TAFA1: variants seen among roughly 807,000 people sequenced by gnomAD.
TAFA1 encodes TAFA chemokine like family member 1.
A neutral mutation model predicts 18.5 loss-of-function variants in TAFA1; 4 were observed. That is an observed-to-expected ratio of 0.22 (90% CI 0.11 to 0.49). TAFA1 has a LOEUF of 0.49. TAFA1 is among the 20% of genes least tolerant of loss of function. The pLI is 0.98. For missense variants in TAFA1, 147 were observed against 169.0 expected (o/e 0.87, Z 0.72); for synonymous variants, 56 against 55.2 (o/e 1.01, Z -0.06).
At chr3:68,133,907 A>G (rs1256563279) in intron 2 of TAFA1, among the ~76,000 whole-genome samples, 2 of 152,124 alleles carry the variant, frequency 1.3e-5, no homozygotes, top group African/African-American at 4.8e-5. Flanking sequence ...TAAAGATACA[A>G]TTAATTGGAC....
chr3:68,387,588 G>A (rs1282103239), intron 2 of TAFA1, among the ~76,000 whole-genome samples: 4 of 152,224 alleles, frequency 2.6e-5, no homozygotes, highest in South Asian at 2.1e-4. Context: ...ATTATGATGG[G>A]TGCTGGGGAA....
At chr3:68,069,202 A>T (rs2064721462) in intron 2 of TAFA1, among the ~76,000 whole-genome samples, 1 of 152,160 alleles carries the variant, frequency 6.6e-6, no homozygotes, top group Non-Finnish European at 1.5e-5. Context: ...CATACCCGAG[A>T]CTGGGTAATT....
chr3:68,302,636 C>G (rs2068325724), intron 2 of TAFA1, among the ~76,000 whole-genome samples: 1 of 151,928 alleles, frequency 6.6e-6, no homozygotes, highest in Admixed American at 6.6e-5. Context: ...GTATCCTCAG[C>G]ATCTAAGACA....
At chr3:68,258,489 T>A (rs2067342712) in intron 2 of TAFA1, among the ~76,000 whole-genome samples, 1 of 152,200 alleles carries the variant, frequency 6.6e-6, no homozygotes, top group South Asian at 2.1e-4. Context: ...CTCAAAAGTA[T>A]TTTTTAATAA....
intron 2 of TAFA1, among the ~76,000 whole-genome samples, chr3:68,154,668 C>G (rs1395446805): frequency 2.0e-5 from 3 of 152,178 alleles, no homozygotes; most frequent in Non-Finnish European, 4.4e-5. Flanking sequence ...CTTGCTAATA[C>G]TCTAGGCTTT....
intron 2 of TAFA1, among the ~76,000 whole-genome samples, chr3:68,022,582 A>G (rs1376947450): frequency 6.6e-6 from 1 of 151,998 alleles, no homozygotes; most frequent in African/African-American, 2.4e-5. Context: ...AGAGTAAGGG[A>G]TGGAATTTGA....
chr3:68,221,776 A>C (rs932367280), intron 2 of TAFA1, among the ~76,000 whole-genome samples: 1 of 152,240 alleles, frequency 6.6e-6, no homozygotes, highest in South Asian at 2.1e-4. Flanking sequence ...CTCAATGAAT[A>C]TGATCTATAA....
chr3:68,205,973 C>G (rs1488899197), intron 2 of TAFA1, among the ~76,000 whole-genome samples: 1 of 152,004 alleles, frequency 6.6e-6, no homozygotes, highest in Non-Finnish European at 1.5e-5. Context: ...GTCACCATGA[C>G]ATAGTCACCC....
chr3:68,184,902 A>G (rs1201657198), intron 2 of TAFA1, among the ~76,000 whole-genome samples: 1 of 152,166 alleles, frequency 6.6e-6, no homozygotes, highest in Non-Finnish European at 1.5e-5. Flanking sequence ...GTGTTCTGCA[A>G]AAACACCCGG....
At chr3:68,084,055 C>T (rs929913698) in intron 2 of TAFA1, among the ~76,000 whole-genome samples, 1 of 152,082 alleles carries the variant, frequency 6.6e-6, no homozygotes, top group African/African-American at 2.4e-5. Context: ...GCCAGTATAC[C>T]ACATGGGCTC....
At chr3:68,157,452 C>T (rs1429046586) in intron 2 of TAFA1, among the ~76,000 whole-genome samples, 2 of 152,262 alleles carry the variant, frequency 1.3e-5, no homozygotes, top group East Asian at 3.9e-4. Flanking sequence ...GAGAAAAAGC[C>T]TTGCCTTTCT....
chr3:68,092,243 T>C (rs1050367732), intron 2 of TAFA1, among the ~76,000 whole-genome samples: 19 of 152,204 alleles, frequency 1.2e-4, no homozygotes, highest in African/African-American at 4.3e-4. Flanking sequence ...TTTTTTTTTC[T>C]GATGCCTAAA....
At chr3:68,230,825 G>A (rs1174208598) in intron 2 of TAFA1, among the ~76,000 whole-genome samples, 1 of 152,172 alleles carries the variant, frequency 6.6e-6, no homozygotes, top group Non-Finnish European at 1.5e-5. Context: ...TAACTGGGGT[G>A]AGACAATATC....
intron 2 of TAFA1, among the ~76,000 whole-genome samples, chr3:68,370,262 T>C (rs1422720906): frequency 8.3e-5 from 8 of 96,088 alleles, no homozygotes; most frequent in Non-Finnish European, 1.1e-4. Context: ...CATTCCAGCC[T>C]GGGCGACAAG....
chr3:68,376,247 CT>C (rs565378813), intron 2 of TAFA1, among the ~76,000 whole-genome samples: 118 of 142,484 alleles, frequency 8.3e-4, no homozygotes, highest in Middle Eastern at 3.6e-3. Flanking sequence ...TATCCTAGTT[CT>C]TTTTTTTTTT....
intron 2 of TAFA1, among the ~76,000 whole-genome samples, chr3:68,168,206 A>G (rs1053961333): frequency 2.6e-5 from 4 of 151,370 alleles, no homozygotes; most frequent in Admixed American, 6.6e-5. Flanking sequence ...AGGAACCACT[A>G]TCTCTTGTGT....
At chr3:68,337,210 G>T (rs1468286700) in intron 2 of TAFA1, among the ~76,000 whole-genome samples, 1 of 152,144 alleles carries the variant, frequency 6.6e-6, no homozygotes, top group Non-Finnish European at 1.5e-5. Flanking sequence ...CATGGCTGGG[G>T]TGCCCTCCGA....
chr3:68,391,573 T>C (rs970479465), intron 2 of TAFA1, among the ~76,000 whole-genome samples: 24 of 152,124 alleles, frequency 1.6e-4, no homozygotes, highest in African/African-American at 5.5e-4. Flanking sequence ...TTCACCATGG[T>C]TGAAATGAAG....
chr3:68,507,709 G>C (rs2106722199), intron 3 of TAFA1, among the ~76,000 whole-genome samples: 1 of 152,150 alleles, frequency 6.6e-6, no homozygotes, highest in Non-Finnish European at 1.5e-5. Context: ...ATATCTCACT[G>C]TATGATTTTA....
Sources: gnomAD v4.1 joint callset for allele counts (sites outside exome capture counted in the v4.1 genomes callset) on GRCh38, gnomAD v4.1.1 for gene constraint, MANE v1.5 for transcripts, NCBI Gene and HGNC (gene_info 2026-07-23, HGNC 2026-07-21) for gene names.